Variants in ADAM2 observed in about 807,000 individuals in gnomAD.
ADAM2 encodes the protein ADAM metallopeptidase domain 2.
A neutral mutation model predicts 99.3 loss-of-function variants in ADAM2; 101 were observed. The observed-to-expected ratio is 1.02, with a 90% CI of 0.87 to 1.20. The LOEUF (loss-of-function observed/expected upper bound fraction) is 1.20, where lower values mean the gene tolerates loss of function less well. Among genes scored for constraint, ADAM2 ranks in the 50% most tolerant of loss-of-function variants. The pLI, the probability that ADAM2 is intolerant of heterozygous loss-of-function variation, is 0.00. For missense variants in ADAM2, 948 were observed against 878.7 expected, an observed-to-expected ratio of 1.08 and a Z score of -1.00; for synonymous variants, 323 against 287.6, an observed-to-expected ratio of 1.12 and a Z score of -1.25.
At chr8:39,780,329 G>T (rs1276461251) in intron 10 of ADAM2, among the ~76,000 whole-genome samples, 1 of 151,978 alleles carries the variant, frequency 6.6e-6, no homozygotes, top group African/African-American at 2.4e-5. Flanking sequence ...ATTTGGGTGG[G>T]GACAGAGCCA....
rs986752421 is a variant in ADAM2 at position 39,759,114 on chromosome 8, A to G, written c.1613+2062T>C. On this transcript the variant is annotated intron_variant, in intron 15 of 20. Coordinates refer to ENST00000265708, the MANE Select transcript of ADAM2 (RefSeq NM_001464.5). ...AAAATTACATATTAAACCCAAAAGG[A>G]AAATAGTAATTTCACAGTTGAAAGA... Among the ~76,000 whole-genome samples the G allele has an allele frequency of 3.9e-5, 6 of 152,132 alleles. No homozygotes were observed. The East Asian group carries it at 1.2e-3, about 29-fold the overall frequency.
At chr8:39,766,389 A>G (rs1802567782) in intron 14 of ADAM2, among the ~76,000 whole-genome samples, 1 of 152,084 alleles carries the variant, frequency 6.6e-6, no homozygotes, top group African/African-American at 2.4e-5. Context: ...ACTTTTAATT[A>G]AATTAATTTT....
intron 7 of ADAM2, among the ~76,000 whole-genome samples, chr8:39,792,608 C>A (rs1803767634): frequency 1.3e-5 from 2 of 151,986 alleles, no homozygotes; most frequent in African/African-American, 4.8e-5. Context: ...GCTTCTTTAA[C>A]CACCTTTATA....
intron 2 of ADAM2, among the ~76,000 whole-genome samples, chr8:39,835,910 TA>T (rs1254985881): frequency 6.6e-6 from 1 of 152,112 alleles, no homozygotes; most frequent in African/African-American, 2.4e-5. Context: ...TTTAACTCCT[TA>T]ACTCCCATTA....
intron 10 of ADAM2, among the ~76,000 whole-genome samples, chr8:39,785,146 T>A (rs1028912139): frequency 6.6e-6 from 1 of 152,238 alleles, no homozygotes; most frequent in African/African-American, 2.4e-5. Flanking sequence ...CAGAATGGTG[T>A]TTCCTAGGTC....
chr8:39,837,060 A>G, intron 2 of ADAM2, 76 bp downstream of exon 2: 1 of 1,201,048 alleles, frequency 8.3e-7, no homozygotes, highest in African/African-American at 1.5e-5. Flanking sequence ...CATGAATGAA[A>G]AATGGCAGAT....
chr8:39,747,935 C>G (rs944617127), intron 18 of ADAM2, among the ~76,000 whole-genome samples: 2 of 152,116 alleles, frequency 1.3e-5, no homozygotes, highest in Non-Finnish European at 2.9e-5. Flanking sequence ...AATTTCAAAG[C>G]TAAGGTCACA....
intron 2 of ADAM2, among the ~76,000 whole-genome samples, chr8:39,834,838 T>C (rs1400103055): frequency 2.6e-5 from 4 of 151,878 alleles, no homozygotes; most frequent in Admixed American, 2.6e-4. Flanking sequence ...GGTACCTTCC[T>C]TCTATACCTA....
intron 7 of ADAM2, among the ~76,000 whole-genome samples, chr8:39,807,366 GGACTTTAAA>G (rs1488874530): frequency 1.3e-5 from 2 of 152,124 alleles, no homozygotes; most frequent in African/African-American, 4.8e-5. Flanking sequence ...ATGAGACTTT[GGACTTTAAA>G]TGTTAGAGTT....
intron 3 of ADAM2, among the ~76,000 whole-genome samples, chr8:39,830,508 G>T (rs920234286): frequency 6.6e-6 from 1 of 152,074 alleles, no homozygotes; most frequent in Non-Finnish European, 1.5e-5. Context: ...TGATTTGATT[G>T]TATTATAGGG....
At chr8:39,770,085 A>C (rs948491772) in intron 11 of ADAM2, among the ~76,000 whole-genome samples, 4 of 151,606 alleles carry the variant, frequency 2.6e-5, no homozygotes, top group African/African-American at 9.7e-5. Context: ...AACTGGGATT[A>C]GAGGGACACG....
At chr8:39,766,770 C>A (rs1288178914) in intron 14 of ADAM2, 78 bp downstream of exon 14, 3 of 994,176 alleles carry the variant, frequency 3.0e-6, no homozygotes, top group East Asian at 2.4e-5. Context: ...TTAAAAATCA[C>A]AATCATGTAT....
chr8:39,836,761 T>A (rs1805842555), intron 2 of ADAM2, among the ~76,000 whole-genome samples: 1 of 152,088 alleles, frequency 6.6e-6, no homozygotes, highest in South Asian at 2.1e-4. Context: ...TTAATTCAAG[T>A]GATCATCATC....
chr8:39,754,256 T>C (rs1205999524), intron 16 of ADAM2, among the ~76,000 whole-genome samples: 1 of 152,174 alleles, frequency 6.6e-6, no homozygotes. Context: ...TCAACCCTTT[T>C]GAAGGCCATG....
intron 5 of ADAM2, 106 bp from the exon 6 acceptor site, chr8:39,821,276 C>A: frequency 1.2e-6 from 1 of 827,908 alleles, no homozygotes; most frequent in Non-Finnish European, 1.8e-6. Context: ...TATTTTTAGC[C>A]TGAATCTAAG....
intron 10 of ADAM2, among the ~76,000 whole-genome samples, chr8:39,780,898 C>T (rs187765137): frequency 8.5e-5 from 13 of 152,074 alleles, no homozygotes; most frequent in African/African-American, 1.2e-4. Context: ...AGAGAAAATG[C>T]GATCAAATAA....
intron 14 of ADAM2, among the ~76,000 whole-genome samples, chr8:39,761,740 A>G (rs1436669459): frequency 1.3e-5 from 2 of 152,180 alleles, no homozygotes; most frequent in African/African-American, 2.4e-5. Flanking sequence ...TCACCCTCCC[A>G]TCATCCAATC....
intron 7 of ADAM2, among the ~76,000 whole-genome samples, chr8:39,803,981 C>T (rs1804322921): frequency 1.3e-5 from 2 of 152,178 alleles, no homozygotes; most frequent in Non-Finnish European, 1.5e-5. Flanking sequence ...TGAATGTGCA[C>T]GTTTGGAATT....
At chr8:39,825,516 G>A (rs566097008) in intron 3 of ADAM2, among the ~76,000 whole-genome samples, 4 of 151,720 alleles carry the variant, frequency 2.6e-5, no homozygotes, top group Admixed American at 2.6e-4. Context: ...AATCTCAGAA[G>A]ATCAGAGCAT....
Sources: gnomAD v4.1 joint callset for allele counts (sites outside exome capture counted in the v4.1 genomes callset) on GRCh38, gnomAD v4.1.1 for gene constraint, MANE v1.5 for transcripts, NCBI Gene and HGNC (gene_info 2026-07-23, HGNC 2026-07-21) for gene names.